PCCA: variants seen among roughly 807,000 people sequenced by gnomAD.
The protein encoded by PCCA is propionyl-CoA carboxylase subunit alpha, also known as propionyl-CoA carboxylase alpha chain, mitochondrial.
In PCCA, 74 loss-of-function variants were observed where a neutral mutation model predicts 101.3. The ratio of observed to expected loss-of-function variants is 0.73; its 90% CI spans 0.61 to 0.89. The LOEUF (loss-of-function observed/expected upper bound fraction) is 0.89, where lower values mean the gene tolerates loss of function less well. PCCA is among the 40% of genes least tolerant of loss of function. The probability of loss-of-function intolerance (pLI) is 0.00; values close to 1 mark genes in which losing one functional copy is unlikely to be tolerated. For synonymous variants in PCCA, 294 were observed against 313.6 expected, an observed-to-expected ratio of 0.94 and a Z score of 0.66; for missense variants, 891 against 907.0, an observed-to-expected ratio of 0.98 and a Z score of 0.23.
At chr13:100,268,650 T>G in intron 10 of PCCA, 39 bp from the exon 11 acceptor site, 2 of 1,366,778 alleles carry the variant, frequency 1.5e-6, no homozygotes, top group Non-Finnish European at 2.1e-6. Context: ...ACTTTGTGGG[T>G]GTGGTTATAT....
At chr13:100,228,815 G>A (rs545487864) in intron 7 of PCCA, among the ~76,000 whole-genome samples, 46 of 149,350 alleles carry the variant, frequency 3.1e-4, no homozygotes, top group African/African-American at 1.1e-3. Flanking sequence ...CAGGAGAATC[G>A]TTTGAACCTG....
At chr13:100,523,524 G>T (rs1310707643) in intron 22 of PCCA, among the ~76,000 whole-genome samples, 2 of 152,138 alleles carry the variant, frequency 1.3e-5, no homozygotes, top group African/African-American at 2.4e-5. Context: ...CTTCAGCACA[G>T]AGCAATGCTG....
intron 16 of PCCA, 41 bp downstream of exon 16, chr13:100,309,949 T>G (rs2066776872): frequency 7.1e-7 from 1 of 1,408,916 alleles, no homozygotes; most frequent in Non-Finnish European, 1.0e-6. Context: ...TTGTATATGG[T>G]GTCCAGTTCC....
At chr13:100,289,900 T>C (rs1465833945) in intron 12 of PCCA, among the ~76,000 whole-genome samples, 1 of 152,214 alleles carries the variant, frequency 6.6e-6, no homozygotes, top group Non-Finnish European at 1.5e-5. Flanking sequence ...TTTTTTGAGA[T>C]TTCTGCCCTA....
At chr13:100,270,185 T>A (rs543731733) in intron 11 of PCCA, among the ~76,000 whole-genome samples, 11 of 152,230 alleles carry the variant, frequency 7.2e-5, no homozygotes, top group Non-Finnish European at 1.6e-4. Context: ...CCTCTTCCTG[T>A]GTCTTTAGGA....
chr13:100,114,920 C>T (rs989688341), intron 4 of PCCA, among the ~76,000 whole-genome samples: 12 of 152,162 alleles, frequency 7.9e-5, no homozygotes. Flanking sequence ...TGTACATCTG[C>T]TTCTAGGTGT....
chr13:100,091,612 C>T lies in PCCA; in HGVS notation c.105+2387C>T, dbSNP rs2046285717. Among the ~76,000 whole-genome samples, 2 of 152,108 alleles carry T rather than the reference C, an allele frequency of 1.3e-5. 1 individual carries two copies. The highest frequency in any genetic ancestry group is 4.1e-4 in the South Asian group (2 of 4,828). ...AAGCTGAATCTTTTGAAGATTTTAACCCCTCCCATCCCTCCCTCCACCTCT... is the reference window on the plus strand; with the variant it reads ...AAGCTGAATCTTTTGAAGATTTTAATCCCTCCCATCCCTCCCTCCACCTCT... On this transcript the variant is annotated intron_variant, in intron 1 of 23. Transcript: ENST00000376285.
intron 1 of PCCA, among the ~76,000 whole-genome samples, chr13:100,100,141 A>G (rs955482771): frequency 4.6e-5 from 7 of 152,222 alleles, no homozygotes; most frequent in African/African-American, 1.7e-4. Flanking sequence ...GTCATCACCT[A>G]CATTTTGTAG....
chr13:100,412,457 T>C (rs2078113164), intron 19 of PCCA, among the ~76,000 whole-genome samples: 1 of 152,174 alleles, frequency 6.6e-6, no homozygotes, highest in Non-Finnish European at 1.5e-5. Context: ...ACAAACAAGA[T>C]ACAAAGAAAT....
intron 7 of PCCA, among the ~76,000 whole-genome samples, chr13:100,220,568 G>A (rs966786912): frequency 3.9e-5 from 6 of 151,922 alleles, no homozygotes; most frequent in Admixed American, 6.6e-5. Flanking sequence ...ACCGCGCCCC[G>A]TCATTCACAG....
chr13:100,494,213 TAAAG>T (rs1387581144), intron 21 of PCCA, among the ~76,000 whole-genome samples: 1 of 151,956 alleles, frequency 6.6e-6, no homozygotes, highest in African/African-American at 2.4e-5. Flanking sequence ...AATAAATAAA[TAAAG>T]GGCAAACTTT....
intron 22 of PCCA, among the ~76,000 whole-genome samples, chr13:100,515,829 T>C (rs1351631564): frequency 6.6e-6 from 1 of 152,254 alleles, no homozygotes; most frequent in Non-Finnish European, 1.5e-5. Context: ...ATTTTGCAAA[T>C]GCAGTGTTTT....
At chr13:100,429,306 G>A (rs554408899) in intron 20 of PCCA, among the ~76,000 whole-genome samples, 41 of 151,826 alleles carry the variant, frequency 2.7e-4, no homozygotes, top group African/African-American at 9.9e-4. Context: ...AGATAGCTAC[G>A]AAATGCAATT....
At chr13:100,257,764 TG>T in intron 9 of PCCA, 91 bp downstream of exon 9, 1 of 851,414 alleles carries the variant, frequency 1.2e-6, no homozygotes, top group Non-Finnish European at 2.0e-6. Context: ...AAAAGCATAA[TG>T]GAGTAATTAC....
At chr13:100,302,422 C>G (rs2066137059) in intron 13 of PCCA, among the ~76,000 whole-genome samples, 1 of 151,196 alleles carries the variant, frequency 6.6e-6, no homozygotes, top group Non-Finnish European at 1.5e-5. Flanking sequence ...GACACTGAAC[C>G]TGTTTATTCT....
chr13:100,106,427 T>C (rs1347090252), intron 2 of PCCA, among the ~76,000 whole-genome samples: 1 of 152,172 alleles, frequency 6.6e-6, no homozygotes, highest in Non-Finnish European at 1.5e-5. Context: ...TTATTTATTT[T>C]TGAGACAGAG....
At chr13:100,269,651 C>T (rs1176472863) in intron 11 of PCCA, among the ~76,000 whole-genome samples, 2 of 152,120 alleles carry the variant, frequency 1.3e-5, no homozygotes, top group Non-Finnish European at 2.9e-5. Context: ...GTGAGTGTTC[C>T]TAGTAATTTT....
At chr13:100,419,400 A>G (rs1440478494) in intron 19 of PCCA, among the ~76,000 whole-genome samples, 1 of 151,852 alleles carries the variant, frequency 6.6e-6, no homozygotes, top group Non-Finnish European at 1.5e-5. Context: ...TGAACCTGGG[A>G]GGCGGAGGCT....
At chr13:100,281,889 C>T (rs182351793) in intron 12 of PCCA, among the ~76,000 whole-genome samples, 20 of 152,274 alleles carry the variant, frequency 1.3e-4, no homozygotes, top group African/African-American at 3.9e-4. Context: ...CCACTTTGCA[C>T]GTGCAGAAGT....
Sources: gnomAD v4.1 joint callset for allele counts (sites outside exome capture counted in the v4.1 genomes callset) on GRCh38, gnomAD v4.1.1 for gene constraint, MANE v1.5 for transcripts, NCBI Gene and HGNC (gene_info 2026-07-23, HGNC 2026-07-21) for gene names.